CACNA1B: variants seen among roughly 807,000 people sequenced by gnomAD.
The protein encoded by CACNA1B is calcium voltage-gated channel subunit alpha1 B.
In CACNA1B, 70 loss-of-function variants were observed where a neutral mutation model predicts 247.2. The ratio of observed to expected loss-of-function variants is 0.28; its 90% CI spans 0.23 to 0.35. The LOEUF is 0.35. CACNA1B is among the 10% of genes least tolerant of loss of function. The pLI, the probability that CACNA1B is intolerant of heterozygous loss-of-function variation, is 1.00. For missense variants in CACNA1B, 2,367 were observed against 3,197.4 expected, an observed-to-expected ratio of 0.74 and a Z score of 6.26; for synonymous variants, 1,231 against 1,294.4, an observed-to-expected ratio of 0.95 and a Z score of 1.05.
rs1015511818 is a variant in CACNA1B at position 138,010,438 on chromosome 9, G to A, written c.2160+361G>A. Among the ~76,000 whole-genome samples, 1 of 152,186 alleles carries A rather than the reference G, an allele frequency of 6.6e-6. No individual in the cohort carries two copies. The highest frequency in any genetic ancestry group is 1.5e-5 in the Non-Finnish European group (1 of 68,024). ...CTGCTGCTTCAGGCAGTGCTCAGCG[G>A]GTGCCATTTTAATATTCATCTCATC... On this transcript the variant is annotated intron_variant, in intron 17 of 46. Transcript: ENST00000371372. This position sits in a 1 kb window ranked among gnomAD's most constrained non-coding sequence, Gnocchi z 5.3.
intron 32 of CACNA1B, among the ~76,000 whole-genome samples, chr9:138,070,068 T>C (rs1394100128): frequency 6.6e-6 from 1 of 152,194 alleles, no homozygotes; most frequent in African/African-American, 2.4e-5. Context: ...AGGGTAGTTT[T>C]TCCTGTTGGG....
chr9:138,118,601 T>C, intron 43 of CACNA1B, 51 bp from the exon 44 acceptor site: 1 of 896,570 alleles, frequency 1.1e-6, no homozygotes, highest in South Asian at 1.5e-5. Context: ...TGGGATCAGA[T>C]GAGTCCGCGG....
chr9:138,050,542 G>C lies in CACNA1B; in HGVS notation c.3710+1227G>C, dbSNP rs956382717. On this transcript the variant is annotated intron_variant, in intron 24 of 46. Transcript: ENST00000371372. The surrounding 1 kb of genome is among the most constrained non-coding windows in gnomAD (Gnocchi z 5.2). Reference sequence around the variant, plus strand: ...ACTATTTCCTCTTTCTGTGATAAAGGAATGAGAGCTTTGCCAAAGCATCAG... The same window carrying C: ...ACTATTTCCTCTTTCTGTGATAAAGCAATGAGAGCTTTGCCAAAGCATCAG... 1.3e-5 allele frequency among the ~76,000 whole-genome samples: 2 copies of C among 152,218 alleles called. No individual in the cohort carries two copies. The highest frequency in any genetic ancestry group is 3.9e-4 in the East Asian group (2 of 5,188).
chr9:138,027,608 A>T (rs2133445122), intron 20 of CACNA1B, among the ~76,000 whole-genome samples: 1 of 152,202 alleles, frequency 6.6e-6, no homozygotes, highest in South Asian at 2.1e-4. Flanking sequence ...GTGTAAAATT[A>T]TGTTGTGGTA....
chr9:137,971,432 G>T lies in CACNA1B; in HGVS notation c.1383G>T (p.Ser461=), dbSNP rs61739616. ...TCAAGAGCGGGAAGACAGAGAGCTC[G>T]TCATACTTCCGGAGGAAGGAGAAGA... ...ASLKSGKTES[S]SYFRRKEKMF... Residue 461 remains serine, a synonymous_variant, in exon 11 of 47, where the codon TCG becomes TCT. Coordinates refer to ENST00000371372, the MANE Select transcript of CACNA1B (RefSeq NM_000718.4). The surrounding 1 kb of genome is among the most constrained non-coding windows in gnomAD (Gnocchi z 4.4). The T allele has an allele frequency of 7.4e-6, 12 of 1,613,448 alleles. No homozygotes were observed. Among genetic ancestry groups the T allele is most frequent in the Non-Finnish European group, 9.3e-6 (11 of 1,179,716 alleles).
intron 6 of CACNA1B, among the ~76,000 whole-genome samples, chr9:137,925,189 A>G (rs1957535397): frequency 6.6e-6 from 1 of 152,216 alleles, no homozygotes; most frequent in Admixed American, 6.5e-5. Flanking sequence ...TTACCTACAG[A>G]TCGGCAGGGA....
intron 10 of CACNA1B, among the ~76,000 whole-genome samples, chr9:137,962,124 A>G (rs757567681): frequency 1.3e-5 from 2 of 152,120 alleles, no homozygotes; most frequent in African/African-American, 2.4e-5. Context: ...GTATGTGTCC[A>G]GGAATTTATT....
intron 20 of CACNA1B, among the ~76,000 whole-genome samples, chr9:138,038,272 A>G (rs1454001306): frequency 2.0e-5 from 3 of 152,178 alleles, no homozygotes; most frequent in African/African-American, 4.8e-5. Flanking sequence ...CCCTTCTCAC[A>G]GGCCTGGAGT....
intron 3 of CACNA1B, among the ~76,000 whole-genome samples, chr9:137,911,130 G>T (rs970504223): frequency 6.6e-6 from 1 of 152,094 alleles, no homozygotes; most frequent in Non-Finnish European, 1.5e-5. Context: ...TCCACTTAAT[G>T]GTCTTGGTAC....
Position 137,914,174 on chromosome 9 carries a change from C to G in CACNA1B, c.623-480C>G, listed in dbSNP as rs1204706788. On this transcript the variant is annotated intron_variant, in intron 4 of 46. Coordinates refer to ENST00000371372, the MANE Select transcript of CACNA1B (RefSeq NM_000718.4). This position sits in a 1 kb window ranked among gnomAD's most constrained non-coding sequence, Gnocchi z 4.3. Reference sequence around the variant, plus strand: ...CCCTCCTCTTAGCTCCCAGCATTCTCTGCTCCTTCCTCCCAGGATCCCCTG... The same window carrying G: ...CCCTCCTCTTAGCTCCCAGCATTCTGTGCTCCTTCCTCCCAGGATCCCCTG... 6.6e-6 allele frequency among the ~76,000 whole-genome samples: 1 copy of G among 152,078 alleles called. No individual in the cohort carries two copies. The highest frequency in any genetic ancestry group is 1.5e-5 in the Non-Finnish European group (1 of 67,968).
Position 137,891,865 on chromosome 9 carries a change from G to C in CACNA1B, c.530+8982G>C. 2.8e-6 allele frequency: 1 copy of C among 360,418 alleles called. No individual in the cohort carries two copies. Among genetic ancestry groups the C allele is most frequent in the Non-Finnish European group, 5.5e-6 (1 of 181,444 alleles). The allele number at this position is 360,418 out of a possible 1,614,324, so 22.3% of individuals were successfully genotyped here. A position where few individuals can be genotyped will look rare whatever the true frequency, so the allele number is the denominator to read the frequency against. On this transcript the variant is annotated intron_variant, in intron 3 of 46. Coordinates refer to ENST00000371372, the MANE Select transcript of CACNA1B (RefSeq NM_000718.4). This position sits in a 1 kb window ranked among gnomAD's most constrained non-coding sequence, Gnocchi z 4.3. ...TTCATTCCTAGCAGGTCACATGGTA[G>C]CACCCCCCACCCAGTCCCTGCCCTC...
At chr9:138,101,839 C>G (rs1275544207) in intron 37 of CACNA1B, among the ~76,000 whole-genome samples, 1 of 152,358 alleles carries the variant, frequency 6.6e-6, no homozygotes, top group East Asian at 1.9e-4. Context: ...GGCTGTGTCT[C>G]TAGGACCCCA....
chr9:137,999,557 G>C (rs1424609531), intron 15 of CACNA1B, among the ~76,000 whole-genome samples: 5 of 151,820 alleles, frequency 3.3e-5, no homozygotes, highest in African/African-American at 1.2e-4. Flanking sequence ...CTGTCACCCA[G>C]GCTGGAGTGC....
chr9:138,075,781 C>A, intron 34 of CACNA1B, 38 bp from the exon 35 acceptor site: 1 of 1,405,806 alleles, frequency 7.1e-7, no homozygotes. Flanking sequence ...CTCCTGCAGA[C>A]CCAGCAGGGT....
intron 3 of CACNA1B, among the ~76,000 whole-genome samples, chr9:137,902,908 A>G (rs1365427009): frequency 6.6e-6 from 1 of 152,216 alleles, no homozygotes; most frequent in East Asian, 1.9e-4. Flanking sequence ...GTGTCCTCTG[A>G]GGAGACGATT....
rs1273575909 is a variant in CACNA1B, at chr9:137,877,848, G to C, written c.-86G>C. On this transcript the variant is annotated 5_prime_UTR_variant, in exon 1 of 47. Coordinates refer to ENST00000371372, the MANE Select transcript of CACNA1B (RefSeq NM_000718.4). ...TCCGCTGCGGTCCCGGCGGCTCCGT[G>C]GCTGCTCCGCTCTGAGCGCCTGGCG... is the stretch of plus-strand genomic sequence containing the variant. 1.3e-6 allele frequency: 1 copy of C among 781,228 alleles called. No homozygotes were observed. Among genetic ancestry groups the C allele is most frequent in the African/African-American group, 1.9e-5 (1 of 52,958 alleles). 48.4% of individuals were successfully genotyped at this position (781,228 alleles called of 1,614,324 possible). A position where few individuals can be genotyped will look rare whatever the true frequency, so the allele number is the denominator to read the frequency against.
chr9:137,897,681 T>C (rs1957187754), intron 3 of CACNA1B, among the ~76,000 whole-genome samples: 1 of 152,192 alleles, frequency 6.6e-6, no homozygotes, highest in South Asian at 2.1e-4. Context: ...CAATTCCGTG[T>C]ATTTTATTTT....
At chr9:138,022,159 T>G (rs1429454112) in intron 18 of CACNA1B, among the ~76,000 whole-genome samples, 1 of 152,210 alleles carries the variant, frequency 6.6e-6, no homozygotes, top group Non-Finnish European at 1.5e-5. Context: ...CCTGGACCAC[T>G]GGCCATCCCT....
chr9:138,095,233 A>G (rs1200458254), intron 36 of CACNA1B, among the ~76,000 whole-genome samples: 2 of 152,242 alleles, frequency 1.3e-5, no homozygotes, highest in East Asian at 1.9e-4. Flanking sequence ...TATTCAGCAT[A>G]TATAAAGAAC....
Sources: allele counts gnomAD v4.1 joint callset (sites outside exome capture counted in the v4.1 genomes callset), GRCh38; gene constraint gnomAD v4.1.1; non-coding constraint Gnocchi (gnomAD v3.1); transcripts MANE v1.5; gene names NCBI Gene and HGNC (gene_info 2026-07-23, HGNC 2026-07-21).